The following DGKB variants were observed in gnomAD, a reference collection of about 807,000 sequenced individuals.
DGKB encodes 90 kDa diacylglycerol kinase.
In DGKB, 67 loss-of-function variants were observed where a neutral mutation model predicts 114.3. That is an observed-to-expected ratio of 0.59 (90% CI 0.48 to 0.72). The LOEUF (loss-of-function observed/expected upper bound fraction) is 0.72, where lower values mean the gene tolerates loss of function less well. Ranked by LOEUF, DGKB falls within the 30% of genes least tolerant of loss-of-function variation. The probability of loss-of-function intolerance (pLI) is 0.00; values close to 1 mark genes in which losing one functional copy is unlikely to be tolerated. For synonymous variants in DGKB, 398 were observed against 323.1 expected (o/e 1.23, Z -2.49); for missense variants, 907 against 975.2 (o/e 0.93, Z 0.93).
intron 2 of DGKB, among the ~76,000 whole-genome samples, chr7:14,786,202 G>A (rs1053964463): frequency 2.0e-5 from 3 of 151,822 alleles, no homozygotes; most frequent in African/African-American, 7.3e-5. Context: ...GTATGTAGTG[G>A]CTAGTTTCCT....
At chr7:14,476,813 G>A (rs1782244010) in intron 21 of DGKB, among the ~76,000 whole-genome samples, 1 of 148,288 alleles carries the variant, frequency 6.7e-6, no homozygotes, top group African/African-American at 2.5e-5. Context: ...GGAGTGCAAT[G>A]GTGCAATCTC....
At chr7:14,825,004 ATG>A (rs1562636183) in intron 2 of DGKB, among the ~76,000 whole-genome samples, 2 of 108,596 alleles carry the variant, frequency 1.8e-5, no homozygotes, top group South Asian at 3.2e-4. Context: ...GTATATATAT[ATG>A]TATGTGTATG....
intron 23 of DGKB, among the ~76,000 whole-genome samples, chr7:14,275,100 T>G (rs1192360045): frequency 1.3e-5 from 2 of 152,186 alleles, no homozygotes; most frequent in Admixed American, 1.3e-4. Context: ...CATCTCTCTG[T>G]CACCTCTGGG....
chr7:14,521,880 T>A (rs1345801868), intron 20 of DGKB, among the ~76,000 whole-genome samples: 1 of 152,162 alleles, frequency 6.6e-6, no homozygotes, highest in African/African-American at 2.4e-5. Flanking sequence ...AACTCTTGAT[T>A]TTTACTTTCT....
At chr7:14,819,640 T>C (rs1032077113) in intron 2 of DGKB, among the ~76,000 whole-genome samples, 5 of 152,058 alleles carry the variant, frequency 3.3e-5, no homozygotes, top group Non-Finnish European at 7.4e-5. Context: ...TACATCCCTA[T>C]GACACACATA....
chr7:14,188,289 A>C (rs1028082854), intron 23 of DGKB, among the ~76,000 whole-genome samples: 7 of 152,134 alleles, frequency 4.6e-5, no homozygotes, highest in African/African-American at 1.7e-4. Flanking sequence ...AAGCACAGAA[A>C]ATTTATTTAA....
chr7:14,838,749 C>G (rs987797880), intron 2 of DGKB, among the ~76,000 whole-genome samples: 19 of 152,188 alleles, frequency 1.2e-4, no homozygotes, highest in Non-Finnish European at 2.2e-4. Flanking sequence ...AAGTAAACTT[C>G]TCGAAGCATA....
At chr7:14,310,360 A>T (rs911535867) in intron 23 of DGKB, among the ~76,000 whole-genome samples, 2 of 152,210 alleles carry the variant, frequency 1.3e-5, no homozygotes, top group Admixed American at 6.5e-5. Context: ...ATAGATACCA[A>T]GAGGTGATAT....
At chr7:14,168,341 C>T (rs969013) in intron 25 of DGKB, among the ~76,000 whole-genome samples, 136,430 of 152,212 alleles carry the variant, frequency 0.9, 61,366 homozygotes, top group East Asian at 1. Context: ...GCTTAACACA[C>T]GTCATCAGAG....
intron 5 of DGKB, among the ~76,000 whole-genome samples, chr7:14,732,003 T>A (rs4721362): frequency 0.64 from 97,930 of 152,034 alleles, 35,245 homozygotes; most frequent in Non-Finnish European, 0.81. Context: ...AAATAAGTCA[T>A]CTTCTTCATG....
intron 23 of DGKB, among the ~76,000 whole-genome samples, chr7:14,257,788 A>C (rs1217704601): frequency 6.6e-6 from 1 of 152,114 alleles, no homozygotes; most frequent in African/African-American, 2.4e-5. Flanking sequence ...GTGCAATGGC[A>C]CGATTTCAGC....
intron 17 of DGKB, among the ~76,000 whole-genome samples, chr7:14,598,907 GTGA>G (rs1281940101): frequency 6.6e-6 from 1 of 152,050 alleles, no homozygotes; most frequent in Admixed American, 6.6e-5. Context: ...TGGTATATTT[GTGA>G]CCCTTTGCAA....
chr7:14,499,881 G>C (rs73285823), intron 20 of DGKB, among the ~76,000 whole-genome samples: 3,264 of 151,910 alleles, frequency 0.021, 117 homozygotes, highest in African/African-American at 0.074. Flanking sequence ...CATAAGAACT[G>C]TCATAGTGAA....
chr7:14,901,817 T>C (rs1783125758), intron 1 of DGKB, among the ~76,000 whole-genome samples: 1 of 152,200 alleles, frequency 6.6e-6, no homozygotes, highest in African/African-American at 2.4e-5. Flanking sequence ...GAGTTGGTTA[T>C]CTGCAATTTG....
At chr7:14,845,106 CAAAAAAAAAAAAA>C (rs59367496) in intron 1 of DGKB, among the ~76,000 whole-genome samples, 7 of 89,244 alleles carry the variant, frequency 7.8e-5, no homozygotes, top group South Asian at 7.4e-4. Context: ...GGCCCTGTGT[CAAAAAAAAAAAAA>C]AAAAAAAAAA....
At chr7:14,739,945 G>A (rs1333900213) in intron 4 of DGKB, among the ~76,000 whole-genome samples, 1 of 152,162 alleles carries the variant, frequency 6.6e-6, no homozygotes, top group Non-Finnish European at 1.5e-5. Context: ...CCACGTTCCC[G>A]CCGTGCTGGG....
intron 1 of DGKB, among the ~76,000 whole-genome samples, chr7:14,945,554 G>A (rs1785825712): frequency 6.6e-6 from 1 of 151,724 alleles, no homozygotes; most frequent in Non-Finnish European, 1.5e-5. Flanking sequence ...ATCCATTAAT[G>A]TTAGCAACTG....
intron 1 of DGKB, among the ~76,000 whole-genome samples, chr7:14,934,353 GTAA>G (rs1785174842): frequency 6.6e-6 from 1 of 152,064 alleles, no homozygotes; most frequent in Admixed American, 6.6e-5. Flanking sequence ...ATAAGTCTTT[GTAA>G]TATGAATTAC....
chr7:14,548,699 C>T (rs917256680), intron 20 of DGKB, among the ~76,000 whole-genome samples: 1 of 152,010 alleles, frequency 6.6e-6, no homozygotes, highest in Non-Finnish European at 1.5e-5. Flanking sequence ...AACAGCAGGG[C>T]CACTGGAGCC....
Sources: allele counts gnomAD v4.1 joint callset (sites outside exome capture counted in the v4.1 genomes callset), GRCh38; gene constraint gnomAD v4.1.1; transcripts MANE v1.5; gene names NCBI Gene and HGNC (gene_info 2026-07-23, HGNC 2026-07-21).